Variants in SPRR5 observed in about 807,000 individuals in gnomAD.
SPRR5 encodes the protein small proline-rich protein 5.
At chr1:152,947,766 G>A (rs1651095478) in intron 1 of SPRR5, among the ~76,000 whole-genome samples, 1 of 152,274 alleles carries the variant, frequency 6.6e-6, no homozygotes, top group Admixed American at 6.5e-5. Context: ...ATGCCGAGTG[G>A]CTTTGAAGCC....
At chr1:152,947,518 G>A (rs910018004) in intron 1 of SPRR5, among the ~76,000 whole-genome samples, 21 of 152,160 alleles carry the variant, frequency 1.4e-4, no homozygotes, top group Admixed American at 1.3e-4. Context: ...TGGTGTGGGT[G>A]TTGCATCTTG....
At chr1:152,948,382 G>GCACACACACA (rs1004617547) in intron 1 of SPRR5, among the ~76,000 whole-genome samples, 155 bp from the exon 2 acceptor site, 28 of 142,142 alleles carry the variant, frequency 2.0e-4, no homozygotes, top group African/African-American at 8.3e-4. Flanking sequence ...ACACATGCGC[G>GCACACACACA]CGCGCACACA....
intron 1 of SPRR5, among the ~76,000 whole-genome samples, chr1:152,947,850 C>A (rs1326503893): frequency 6.6e-6 from 1 of 152,200 alleles, no homozygotes; most frequent in Non-Finnish European, 1.5e-5. Flanking sequence ...TTTCATCTAT[C>A]TCTAGAGTTT....
At chr1:152,947,621 G>A (rs1651092100) in intron 1 of SPRR5, among the ~76,000 whole-genome samples, 1 of 152,170 alleles carries the variant, frequency 6.6e-6, no homozygotes, top group African/African-American at 2.4e-5. Context: ...GAGAAGGCAG[G>A]AAGGAAAGAG....
At chr1:152,948,905 G>T in exon 2 of SPRR5, 1 of 213,728 alleles carries the variant, frequency 4.7e-6, no homozygotes, top group South Asian at 1.7e-4. Flanking sequence ...GATCAGAGGC[G>T]AACCCCCAGG....
At chr1:152,948,382 G>GCACACACACACACACACACACA (rs1004617547) in intron 1 of SPRR5, among the ~76,000 whole-genome samples, 155 bp from the exon 2 acceptor site, 5 of 142,066 alleles carry the variant, frequency 3.5e-5, no homozygotes, top group African/African-American at 1.2e-4. Context: ...ACACATGCGC[G>GCACACACACACACACACACACA]CGCGCACACA....
chr1:152,948,908 C>T (rs111975152), exon 2 of SPRR5: 2,285 of 211,636 alleles, frequency 0.011, 65 homozygotes, highest in African/African-American at 0.052. Flanking sequence ...CAGAGGCGAA[C>T]CCCCAGGAAA....
At chr1:152,949,153 CA>C (rs1298737078) in exon 2 of SPRR5, 2 of 152,214 alleles carry the variant, frequency 1.3e-5, no homozygotes, top group Non-Finnish European at 2.9e-5. Context: ...CATGCATCTA[CA>C]TTGCCCTGCT....
At chr1:152,948,807 C>A in exon 2 of SPRR5, 1 of 228,080 alleles carries the variant, frequency 4.4e-6, no homozygotes, top group South Asian at 1.9e-4. Flanking sequence ...TTGCCAGCCC[C>A]CACCCAAGTG....
exon 2 of SPRR5, chr1:152,949,205 G>T (rs1651149960): frequency 1.3e-5 from 2 of 151,704 alleles, no homozygotes; most frequent in African/African-American, 4.9e-5. Context: ...CTCCTACCAC[G>T]CTTCCCCTCA....
exon 2 of SPRR5, chr1:152,949,040 T>G (rs1651143105): frequency 6.4e-6 from 1 of 156,826 alleles, no homozygotes; most frequent in African/African-American, 2.4e-5. Flanking sequence ...AGCACCAGGC[T>G]GGCAGCTGGC....
intron 1 of SPRR5, among the ~76,000 whole-genome samples, chr1:152,947,989 C>T (rs1397349206): frequency 6.6e-6 from 1 of 152,182 alleles, no homozygotes; most frequent in Non-Finnish European, 1.5e-5. Context: ...TGTGTCGGTA[C>T]ATACATACCT....
At chr1:152,947,675 C>A (rs1651092943) in intron 1 of SPRR5, among the ~76,000 whole-genome samples, 1 of 152,126 alleles carries the variant, frequency 6.6e-6, no homozygotes, top group Non-Finnish European at 1.5e-5. Flanking sequence ...GTCCATGGAG[C>A]AAAGGGCTGC....
chr1:152,947,565 C>G (rs116304760), intron 1 of SPRR5, among the ~76,000 whole-genome samples: 150 of 152,060 alleles, frequency 9.9e-4, no homozygotes, highest in Non-Finnish European at 8.5e-4. Context: ...AGAGGAGAGA[C>G]CAGTTCTGGG....
At chr1:152,948,447 G>T in intron 1 of SPRR5, 90 bp from the exon 2 acceptor site, 1 of 213,464 alleles carries the variant, frequency 4.7e-6, no homozygotes. Context: ...TAAAAGCAGA[G>T]CAGGACAGGA....
chr1:152,947,276 T>C (rs1457943769), intron 1 of SPRR5, 28 bp downstream of exon 1: 2 of 152,308 alleles, frequency 1.3e-5, no homozygotes, highest in African/African-American at 4.8e-5. Flanking sequence ...GTACCTCTTA[T>C]AGCAGCCTTG....
chr1:152,948,249 T>G (rs924908036), intron 1 of SPRR5, among the ~76,000 whole-genome samples: 2 of 152,080 alleles, frequency 1.3e-5, no homozygotes, highest in African/African-American at 2.4e-5. Flanking sequence ...TTTATGTTTT[T>G]CTTTCTTTTC....
At chr1:152,947,822 G>A (rs1485128503) in intron 1 of SPRR5, among the ~76,000 whole-genome samples, 1 of 152,184 alleles carries the variant, frequency 6.6e-6, no homozygotes, top group African/African-American at 2.4e-5. Flanking sequence ...AATTGAGAGA[G>A]GCAAGCTAGA....
At chr1:152,948,954 A>C (rs916400843) in exon 2 of SPRR5, 1 of 185,478 alleles carries the variant, frequency 5.4e-6, no homozygotes, top group Non-Finnish European at 1.1e-5. Context: ...CCAGCATCTT[A>C]CACTCCACAG....
Sources: gnomAD v4.1 joint callset for allele counts (sites outside exome capture counted in the v4.1 genomes callset) on GRCh38, gnomAD v4.1.1 for gene constraint, MANE v1.5 for transcripts, NCBI Gene and HGNC (gene_info 2026-07-23, HGNC 2026-07-21) for gene names.